The following WNK1 variants were observed in gnomAD, a reference collection of about 807,000 sequenced individuals.
WNK1 encodes serine/threonine-protein kinase WNK1.
Under a neutral mutation model 222.8 loss-of-function variants are expected in WNK1, and 38 were observed. That is an observed-to-expected ratio of 0.17 (90% CI 0.13 to 0.22). WNK1 has a LOEUF of 0.22. Ranked by LOEUF, WNK1 falls within the 10% of genes least tolerant of loss-of-function variation. The probability of loss-of-function intolerance (pLI) is 1.00; values close to 1 mark genes in which losing one functional copy is unlikely to be tolerated. For missense variants in WNK1, 2,348 were observed against 2,918.4 expected (o/e 0.80, Z 4.50); for synonymous variants, 1,090 against 1,092.9 (o/e 1.00, Z 0.05).
chr12:827,296 C>G lies in WNK1; in HGVS notation c.1153+34C>G. On this transcript the variant is annotated intron_variant, in intron 3 of 27. Transcript: ENST00000315939. This position sits in a 1 kb window ranked among gnomAD's most constrained non-coding sequence, Gnocchi z 4.6. ...CAGGTGTACCTTGGAGCCTGACTGG[C>G]TTTCTCACATTCCTTTTATTTAGAA... is the stretch of plus-strand genomic sequence containing the variant. 1 of 1,562,682 alleles carries G rather than the reference C, an allele frequency of 6.4e-7. No individual in the cohort carries two copies. Among genetic ancestry groups the G allele is most frequent in the Non-Finnish European group, 8.8e-7 (1 of 1,133,396 alleles).
chr12:848,496 CTTT>C (rs10644583), intron 4 of WNK1, among the ~76,000 whole-genome samples: 1,488 of 99,256 alleles, frequency 0.015, 29 homozygotes, highest in African/African-American at 0.048. Context: ...CCAGTAAAAA[CTTT>C]TTTTTTTTTT....
chr12:768,746 A>G (rs1377457885), intron 1 of WNK1, among the ~76,000 whole-genome samples: 1 of 152,180 alleles, frequency 6.6e-6, no homozygotes, highest in Non-Finnish European at 1.5e-5. Flanking sequence ...AACTTCTTCA[A>G]CAACCAGTAC....
At chr12:852,154 A>G (rs1950465328) in intron 4 of WNK1, among the ~76,000 whole-genome samples, 1 of 152,326 alleles carries the variant, frequency 6.6e-6, no homozygotes, top group African/African-American at 2.4e-5. Flanking sequence ...TTTCTAGCAG[A>G]TTAGTTGGCA....
intron 4 of WNK1, among the ~76,000 whole-genome samples, chr12:834,454 G>A (rs1254847213): frequency 6.6e-6 from 1 of 152,174 alleles, no homozygotes; most frequent in African/African-American, 2.4e-5. Flanking sequence ...TAGAAATCAT[G>A]GTGGGTGGTG....
At chr12:778,988 G>T (rs891739042) in intron 1 of WNK1, among the ~76,000 whole-genome samples, 1 of 152,086 alleles carries the variant, frequency 6.6e-6, no homozygotes, top group Non-Finnish European at 1.5e-5. Flanking sequence ...CAATAATGGG[G>T]AGTATTGTTT....
chr12:779,627 C>G (rs1943484780), intron 1 of WNK1, among the ~76,000 whole-genome samples: 1 of 152,112 alleles, frequency 6.6e-6, no homozygotes, highest in South Asian at 2.1e-4. Context: ...GTCTTGAATT[C>G]TTGACCTCAA....
At chr12:872,112 A>G (rs1334981419) in intron 9 of WNK1, among the ~76,000 whole-genome samples, 1 of 151,894 alleles carries the variant, frequency 6.6e-6, no homozygotes, top group Non-Finnish European at 1.5e-5. Flanking sequence ...TTACTTCAAG[A>G]ACATTTATTT....
At chr12:760,695 C>CTCTTAATA (rs1300669903) in intron 1 of WNK1, among the ~76,000 whole-genome samples, 1 of 147,274 alleles carries the variant, frequency 6.8e-6, no homozygotes, top group Non-Finnish European at 1.5e-5. Context: ...TTGTCAGAAG[C>CTCTTAATA]TCTTAATATT....
intron 4 of WNK1, among the ~76,000 whole-genome samples, chr12:842,860 T>C (rs1479434582): frequency 6.6e-6 from 1 of 152,198 alleles, no homozygotes; most frequent in African/African-American, 2.4e-5. Flanking sequence ...GTGGTAAAGG[T>C]TTGAGATTCT....
At chr12:865,246 GC>G in intron 8 of WNK1, 2 of 1,535,984 alleles carry the variant, frequency 1.3e-6, no homozygotes, top group Admixed American at 2.0e-5. Context: ...CCTCCGGACT[GC>G]CCCGAGGAAA....
chr12:842,947 A>C (rs972487198), intron 4 of WNK1, among the ~76,000 whole-genome samples: 4 of 151,966 alleles, frequency 2.6e-5, no homozygotes, highest in African/African-American at 9.7e-5. Context: ...TTATTTATTT[A>C]TTTTTGGAGA....
intron 19 of WNK1, 40 bp downstream of exon 19, chr12:886,124 A>C: frequency 7.3e-7 from 1 of 1,379,086 alleles, no homozygotes; most frequent in Non-Finnish European, 9.5e-7. Context: ...AAATATGATC[A>C]GTTTTTTTTC....
Position 896,175 on chromosome 12 carries a change from A to AAGT in WNK1, c.5695_5697dup (p.Ser1899dup), listed in dbSNP as rs1256199688. The AAGT allele has an allele frequency of 1.9e-6, 3 of 1,614,098 alleles. No homozygotes were observed. Among genetic ancestry groups the AAGT allele is most frequent in the East Asian group, 4.5e-5 (2 of 44,890 alleles). ...GCACCTCAGAGTCCTCAGTGCTATC[A>AAGT]AGTAGTAGTCCAGAGAGTACCTTGG... On this transcript the variant is annotated inframe_insertion, in exon 24 of 28. Transcript: ENST00000315939.
intron 2 of WNK1, among the ~76,000 whole-genome samples, chr12:815,155 G>A (rs1352673932): frequency 6.6e-6 from 1 of 152,192 alleles, no homozygotes; most frequent in African/African-American, 2.4e-5. Flanking sequence ...TTCCTAAAAG[G>A]CCATGGACTG....
At chr12:847,801 C>CTTTTTTT (rs898832948) in intron 4 of WNK1, among the ~76,000 whole-genome samples, 16 of 68,648 alleles carry the variant, frequency 2.3e-4, no homozygotes, top group Non-Finnish European at 3.4e-4. Context: ...GATTAATTCT[C>CTTTTTTT]TTTTTTTTTT....
intron 22 of WNK1, among the ~76,000 whole-genome samples, chr12:893,594 C>T (rs931042503): frequency 1.3e-5 from 2 of 151,914 alleles, no homozygotes; most frequent in Non-Finnish European, 2.9e-5. Context: ...GAGGCTGAGG[C>T]GGGCAGATCA....
chr12:835,961 A>T (rs1261207629), intron 4 of WNK1, among the ~76,000 whole-genome samples: 4 of 152,166 alleles, frequency 2.6e-5, no homozygotes, highest in Admixed American at 6.5e-5. Context: ...AAAAAAAAAA[A>T]AAAATTGATA....
chr12:879,446 G>A, intron 10 of WNK1, 127 bp from the exon 11 acceptor site: 2 of 530,868 alleles, frequency 3.8e-6, no homozygotes, highest in South Asian at 2.3e-5. Flanking sequence ...TTGGTTTGGT[G>A]TTTTTTTTTT....
Position 864,961 on chromosome 12 carries a change from T to C in WNK1, c.2139+2691T>C, listed in dbSNP as rs529282355. The C allele has an allele frequency of 1.1e-5, 10 of 902,394 alleles. No homozygotes were observed. In the African/African-American group the frequency reaches 1.6e-4, roughly 14 times the overall value. The allele number at this position is 902,394 out of a possible 1,614,324, so 55.9% of individuals were successfully genotyped here. A position where few individuals can be genotyped will look rare whatever the true frequency, so the allele number is the denominator to read the frequency against. ...CTGTCAGATGTGCTATGTTGAGTTA[T>C]AGCTCTCCTCAAAAAAAAAACTGAC... is the stretch of plus-strand genomic sequence containing the variant. On this transcript the variant is annotated intron_variant, in intron 8 of 27. Transcript: ENST00000315939.
Sources: allele counts gnomAD v4.1 joint callset (sites outside exome capture counted in the v4.1 genomes callset), GRCh38; gene constraint gnomAD v4.1.1; non-coding constraint Gnocchi (gnomAD v3.1); transcripts MANE v1.5; gene names NCBI Gene and HGNC (gene_info 2026-07-23, HGNC 2026-07-21).